ACER1: variants seen among roughly 807,000 people sequenced by gnomAD.
ACER1 encodes CTB-180A7.3.
A neutral mutation model predicts 24.9 loss-of-function variants in ACER1; 28 were observed. The ratio of observed to expected loss-of-function variants is 1.13; its 90% CI spans 0.83 to 1.54. ACER1 has a LOEUF of 1.54. Among genes scored for constraint, ACER1 ranks in the 40% most tolerant of loss-of-function variants. ACER1 has a pLI of 0.00. For missense variants in ACER1, 352 were observed against 349.3 expected (o/e 1.01, Z -0.06); for synonymous variants, 132 against 131.4 (o/e 1.00, Z -0.03).
the ACER1 span, among the ~76,000 whole-genome samples, chr19:6,340,519 C>G: frequency 6.6e-6 from 1 of 152,174 alleles, no homozygotes; most frequent in Non-Finnish European, 1.5e-5. Flanking sequence ...CCCAGCTCCC[C>G]AGTAGCGACC....
the ACER1 span, chr19:6,360,083 C>G: frequency 6.6e-6 from 1 of 152,184 alleles, no homozygotes; most frequent in African/African-American, 2.4e-5. Context: ...CACCATTTTG[C>G]CCATTCTTTT....
the ACER1 span, among the ~76,000 whole-genome samples, chr19:6,350,611 G>A: frequency 7.1e-6 from 1 of 141,012 alleles, no homozygotes; most frequent in Non-Finnish European, 1.5e-5. Flanking sequence ...AGGAAGGAGG[G>A]AGGGAGGGAG....
At chr19:6,307,114 T>G (rs781187898) in intron 5 of ACER1, 39 bp downstream of exon 5, 2 of 1,609,320 alleles carry the variant, frequency 1.2e-6, no homozygotes, top group East Asian at 4.5e-5. Context: ...TAAGATTCTC[T>G]GACTCTGGGC....
Position 6,333,429 on chromosome 19 carries a change from C to G in ACER1, c.93+30G>C, listed in dbSNP as rs150017787. The G allele has an allele frequency of 7.8e-6, 12 of 1,528,670 alleles. No individual in the cohort carries two copies. The African/African-American group carries it at 1.4e-4, about 17-fold the overall frequency. 94.7% of individuals were successfully genotyped at this position (1,528,670 alleles called of 1,614,324 possible). Reference sequence around the variant, plus strand: ...AACCGGGATTCGAACCGGCATCTGGCGAGACTCCTTCACACACCCACGCAC... The same window carrying G: ...AACCGGGATTCGAACCGGCATCTGGGGAGACTCCTTCACACACCCACGCAC... On this transcript the variant is annotated intron_variant, in intron 1 of 5. Coordinates refer to ENST00000301452, the MANE Select transcript of ACER1 (RefSeq NM_133492.3).
At chr19:6,354,534 C>T in the ACER1 span, among the ~76,000 whole-genome samples, 6 of 152,316 alleles carry the variant, frequency 3.9e-5, no homozygotes, top group South Asian at 1.0e-3. Flanking sequence ...AAGGACATTG[C>T]TCAAATAATA....
chr19:6,335,906 C>CTTTTCTTTTTTTTTTTTTTTTT (rs1555717055), upstream of ACER1, among the ~76,000 whole-genome samples: 1 of 141,554 alleles, frequency 7.1e-6, no homozygotes, highest in African/African-American at 2.6e-5. Flanking sequence ...TTTTTCTTTT[C>CTTTTCTTTTTTTTTTTTTTTTT]TTTTTTTTTT....
chr19:6,344,908 C>G, the ACER1 span, among the ~76,000 whole-genome samples: 1 of 149,250 alleles, frequency 6.7e-6, no homozygotes, highest in Admixed American at 6.7e-5. Flanking sequence ...TTCTGTCATC[C>G]AGGCTGGAGT....
upstream of ACER1, among the ~76,000 whole-genome samples, chr19:6,334,061 T>G (rs1327224385): frequency 1.3e-5 from 2 of 150,918 alleles, no homozygotes; most frequent in African/African-American, 2.5e-5. Flanking sequence ...TGTTTTTTTT[T>G]TTGGAGACAG....
intron 1 of ACER1, among the ~76,000 whole-genome samples, chr19:6,317,738 T>C (rs2091610651): frequency 6.6e-6 from 1 of 152,044 alleles, no homozygotes; most frequent in Non-Finnish European, 1.5e-5. Flanking sequence ...TTGTTTTTTG[T>C]TTGTTAGTTT....
the ACER1 span, among the ~76,000 whole-genome samples, chr19:6,341,346 T>C: frequency 1.3e-5 from 2 of 150,512 alleles, no homozygotes; most frequent in East Asian, 2.0e-4. Context: ...CTAGGCAACA[T>C]AGGGGACCCT....
the ACER1 span, among the ~76,000 whole-genome samples, chr19:6,354,971 C>T: frequency 7.2e-5 from 11 of 152,252 alleles, no homozygotes; most frequent in African/African-American, 1.7e-4. Context: ...TGCAGGCGCG[C>T]GCCACCACGC....
chr19:6,352,605 G>A, the ACER1 span, among the ~76,000 whole-genome samples: 1 of 152,310 alleles, frequency 6.6e-6, no homozygotes, highest in South Asian at 2.1e-4. Flanking sequence ...CTGAAACACA[G>A]GTGTATGAAC....
intron 1 of ACER1, among the ~76,000 whole-genome samples, chr19:6,318,405 G>A (rs1444393779): frequency 6.6e-6 from 1 of 151,872 alleles, no homozygotes; most frequent in Non-Finnish European, 1.5e-5. Context: ...GGAGGCAGAG[G>A]TTGCAGTGAG....
intron 1 of ACER1, among the ~76,000 whole-genome samples, chr19:6,320,093 A>C (rs116223761): frequency 0.014 from 1,838 of 132,330 alleles, 43 homozygotes; most frequent in African/African-American, 0.049. Context: ...ACAGAGAGAG[A>C]TTCTGTCTCA....
At chr19:6,311,834 C>T (rs2091583518) in intron 3 of ACER1, among the ~76,000 whole-genome samples, 1 of 151,744 alleles carries the variant, frequency 6.6e-6, no homozygotes, top group Admixed American at 6.6e-5. Context: ...GGGGAGGAGT[C>T]CCTCAGGCCC....
intron 5 of ACER1, 111 bp downstream of exon 5, chr19:6,307,042 G>C: frequency 2.0e-6 from 3 of 1,529,156 alleles, no homozygotes; most frequent in Non-Finnish European, 2.7e-6. Context: ...CCCAGTGTCT[G>C]GCTCTCCTCT....
the ACER1 span, among the ~76,000 whole-genome samples, chr19:6,345,484 G>A: frequency 6.6e-6 from 1 of 151,750 alleles, no homozygotes; most frequent in East Asian, 1.9e-4. Context: ...ATCAGGGAAA[G>A]CCCTCCCCTT....
chr19:6,323,599 C>T (rs757162248), intron 1 of ACER1, among the ~76,000 whole-genome samples: 19 of 152,250 alleles, frequency 1.2e-4, no homozygotes, highest in Admixed American at 3.3e-4. Context: ...TGTAAATTGC[C>T]TAGTCTCTTT....
the ACER1 span, among the ~76,000 whole-genome samples, chr19:6,349,207 T>G: frequency 2.6e-5 from 4 of 151,414 alleles, no homozygotes; most frequent in African/African-American, 9.7e-5. Flanking sequence ...CTAGGCTTGG[T>G]GGCTCATGTC....
Sources: allele counts gnomAD v4.1 joint callset (sites outside exome capture counted in the v4.1 genomes callset), GRCh38; gene constraint gnomAD v4.1.1; transcripts MANE v1.5; gene names NCBI Gene and HGNC (gene_info 2026-07-23, HGNC 2026-07-21).